Variants in FCHO2 observed in about 807,000 individuals in gnomAD.
The protein encoded by FCHO2 is FCH and mu domain containing endocytic adaptor 2, also known as F-BAR domain only protein 2.
FCHO2 carries 43 observed loss-of-function variants against 114.1 expected under a neutral mutation model. The ratio of observed to expected loss-of-function variants is 0.38; its 90% CI spans 0.30 to 0.49. The LOEUF is 0.49. Ranked by LOEUF, FCHO2 falls within the 20% of genes least tolerant of loss-of-function variation. The pLI is 0.97. For synonymous variants in FCHO2, 293 were observed against 315.2 expected (o/e 0.93, Z 0.75); for missense variants, 807 against 950.4 (o/e 0.85, Z 1.98).
chr5:72,956,426 C>T (rs556802631), intron 1 of FCHO2, among the ~76,000 whole-genome samples: 105 of 151,778 alleles, frequency 6.9e-4, no homozygotes, highest in South Asian at 2.9e-3. Flanking sequence ...GGACCCAGCC[C>T]CACCGGAGGC....
intron 13 of FCHO2, 95 bp from the exon 14 acceptor site, chr5:73,054,065 G>A: frequency 1.0e-6 from 1 of 978,238 alleles, no homozygotes; most frequent in Non-Finnish European, 1.5e-6. Flanking sequence ...ATATAGTTTA[G>A]ATATGATTGA....
At chr5:73,082,711 T>G in intron 23 of FCHO2, 50 bp from the exon 24 acceptor site, 1 of 1,417,586 alleles carries the variant, frequency 7.1e-7, no homozygotes, top group South Asian at 1.3e-5. Context: ...CATTCATGTA[T>G]CAGGTACTAT....
At chr5:72,962,888 T>A (rs1751950245) in intron 1 of FCHO2, among the ~76,000 whole-genome samples, 1 of 145,156 alleles carries the variant, frequency 6.9e-6, no homozygotes, top group Non-Finnish European at 1.5e-5. Context: ...CAAGACTCTG[T>A]CTCAAAAAAA....
intron 5 of FCHO2, among the ~76,000 whole-genome samples, chr5:73,002,865 G>A (rs1754519050): frequency 6.6e-6 from 1 of 152,162 alleles, no homozygotes; most frequent in African/African-American, 2.4e-5. Context: ...ATGGTAAGTT[G>A]AGAAGGTGTG....
intron 2 of FCHO2, among the ~76,000 whole-genome samples, chr5:72,972,187 CT>C (rs1481041203): frequency 3.9e-5 from 6 of 151,912 alleles, no homozygotes; most frequent in Admixed American, 6.6e-5. Flanking sequence ...GATGCGGGCT[CT>C]TTTTTGGTTC....
At chr5:73,012,617 CAAA>C (rs11358269) in intron 6 of FCHO2, among the ~76,000 whole-genome samples, 9 of 92,498 alleles carry the variant, frequency 9.7e-5, no homozygotes, top group Admixed American at 1.2e-4. Flanking sequence ...GACTCCGTCT[CAAA>C]AAAAAAAAAA....
Position 73,068,713 on chromosome 5 carries a change from C to T in FCHO2, c.1513C>T (p.Arg505Trp), listed in dbSNP as rs996937101. 23 of 1,612,188 alleles carry T rather than the reference C, an allele frequency of 1.4e-5. No homozygotes were observed. Among genetic ancestry groups the T allele is most frequent in the Admixed American group, 3.3e-5 (2 of 59,794 alleles). Residue 505 changes from arginine to tryptophan, a missense_variant, in exon 19 of 26, where the codon CGG becomes TGG. By Grantham distance (101) the Arg-to-Trp change is moderately radical (BLOSUM62 -3). Coordinates refer to ENST00000430046, the MANE Select transcript of FCHO2 (RefSeq NM_138782.3). ...CCCACCTCCTGCTGCACCATTAGCC[C>T]GGGCAGAAAGTTCTTCTTCTATCTC... ...TSPPPAAPLA[R>W]AESSSSISSS... is the part of the protein sequence containing the mutation.
intron 24 of FCHO2, among the ~76,000 whole-genome samples, chr5:73,086,240 G>A (rs1413365643): frequency 6.6e-6 from 1 of 152,182 alleles, no homozygotes; most frequent in Admixed American, 6.5e-5. Flanking sequence ...TGTTGCTCTT[G>A]GTCTATGGTA....
intron 5 of FCHO2, among the ~76,000 whole-genome samples, chr5:72,998,956 G>T (rs981559244): frequency 1.3e-5 from 2 of 151,306 alleles, no homozygotes; most frequent in African/African-American, 4.9e-5. Context: ...TCAGCCTCTC[G>T]AATAGCTGGG....
chr5:72,994,236 ATCTGACAAAGG>A (rs556806794), intron 5 of FCHO2, among the ~76,000 whole-genome samples: 96 of 152,254 alleles, frequency 6.3e-4, no homozygotes, highest in Non-Finnish European at 1.2e-3. Flanking sequence ...CAAACTATGC[ATCTGACAAAGG>A]TCTGACATCC....
intron 11 of FCHO2, among the ~76,000 whole-genome samples, chr5:73,048,628 T>C (rs1580164542): frequency 6.6e-6 from 1 of 152,148 alleles, no homozygotes; most frequent in East Asian, 1.9e-4. Flanking sequence ...ATAAATAATC[T>C]TCGATGAATA....
At chr5:72,999,357 C>T (rs1182633556) in intron 5 of FCHO2, among the ~76,000 whole-genome samples, 2 of 140,138 alleles carry the variant, frequency 1.4e-5, no homozygotes, top group Non-Finnish European at 3.1e-5. Context: ...ATTTGGTTAT[C>T]TCATTCACTC....
In FCHO2 at chr5:73,024,462, C is replaced by T. The variant is rs1287456233; in HGVS notation, c.796+7154C>T. ...TTTTATGTTTTATTTTTTTTGGAGT[C>T]GGAGTCTCGCTCCGTCGCCCAGGCT... On this transcript the variant is annotated intron_variant, in intron 8 of 25. Transcript: ENST00000430046. Among the ~76,000 whole-genome samples the T allele has an allele frequency of 4.0e-5, 6 of 149,976 alleles. No homozygotes were observed. In the East Asian group the frequency reaches 9.8e-4, roughly 25 times the overall value.
intron 2 of FCHO2, among the ~76,000 whole-genome samples, chr5:72,975,093 T>C (rs1157973923): frequency 6.6e-6 from 1 of 152,160 alleles, no homozygotes; most frequent in Non-Finnish European, 1.5e-5. Context: ...TTTCCTAATC[T>C]CTCTGACTAG....
chr5:72,971,652 G>T (rs1752563446), intron 2 of FCHO2, among the ~76,000 whole-genome samples: 1 of 152,046 alleles, frequency 6.6e-6, no homozygotes, highest in African/African-American at 2.4e-5. Flanking sequence ...TTTGTAGGTT[G>T]CCTGTTCACT....
Position 73,063,937 on chromosome 5 carries a change from A to G in FCHO2, c.1442A>G (p.Asn481Ser). ...ACTTCAGGCAAACTCAGTGGGATTA[A>G]TGAAATAGTATGTACTCAGGTTTTT... ...KLTSGKLSGI[N>S]EIPRPFSPPV... Residue 481 changes from asparagine to serine, a missense_variant, in exon 18 of 26, where the codon AAT (asparagine) becomes AGT (serine). Transcript: ENST00000430046. 6.2e-7 allele frequency: 1 copy of G among 1,607,922 alleles called. No individual in the cohort carries two copies. Among genetic ancestry groups the G allele is most frequent in the South Asian group, 1.1e-5 (1 of 89,926 alleles).
intron 11 of FCHO2, among the ~76,000 whole-genome samples, chr5:73,044,404 A>G (rs887102736): frequency 2.6e-5 from 4 of 152,032 alleles, no homozygotes; most frequent in South Asian, 2.1e-4. Context: ...ATGCCTGGCT[A>G]TGTTTTTTCA....
intron 6 of FCHO2, among the ~76,000 whole-genome samples, chr5:73,009,067 T>A (rs1311471712): frequency 2.0e-5 from 3 of 152,144 alleles, no homozygotes; most frequent in Non-Finnish European, 4.4e-5. Context: ...GAGATTTTAA[T>A]AGAGGAAGCC....
chr5:73,011,362 T>C (rs1348796324), intron 6 of FCHO2, among the ~76,000 whole-genome samples: 2 of 152,240 alleles, frequency 1.3e-5, no homozygotes, highest in Non-Finnish European at 2.9e-5. Flanking sequence ...TTGACTCTTT[T>C]GGGATGACAT....
Sources: gnomAD v4.1 joint callset for allele counts (sites outside exome capture counted in the v4.1 genomes callset) on GRCh38, gnomAD v4.1.1 for gene constraint, MANE v1.5 for transcripts, NCBI Gene and HGNC (gene_info 2026-07-23, HGNC 2026-07-21) for gene names.